Variants in ARID2 observed in about 807,000 individuals in gnomAD.
The protein encoded by ARID2 is AT-rich interactive domain-containing protein 2.
A neutral mutation model predicts 184.6 loss-of-function variants in ARID2; 32 were observed. The observed-to-expected ratio is 0.17, with a 90% confidence interval of 0.13 to 0.23. The LOEUF is 0.23. Among genes scored for constraint, ARID2 ranks in the 10% least tolerant of loss-of-function variants. The pLI is 1.00. For missense variants in ARID2, 1,696 were observed against 2,197.6 expected (o/e 0.77, Z 4.56); for synonymous variants, 836 against 772.6 (o/e 1.08, Z -1.36).
chr12:45,729,989 C>A (rs1940945578), intron 1 of ARID2, 55 bp from the exon 2 acceptor site: 1 of 1,606,892 alleles, frequency 6.2e-7, no homozygotes, highest in African/African-American at 1.3e-5. Flanking sequence ...GCTCTCCCGC[C>A]CGGGCCGGGC....
intron 6 of ARID2, among the ~76,000 whole-genome samples, chr12:45,829,491 G>C (rs1943068430): frequency 6.6e-6 from 1 of 151,416 alleles, no homozygotes; most frequent in Admixed American, 6.6e-5. Context: ...TCTCCCTTCT[G>C]AGTATGTGTT....
intron 16 of ARID2, 28 bp downstream of exon 16, chr12:45,860,977 A>G: frequency 6.8e-7 from 1 of 1,479,586 alleles, no homozygotes; most frequent in Non-Finnish European, 9.0e-7. Flanking sequence ...TTGATATATA[A>G]AAGTATTCTT....
At chr12:45,763,144 A>G (rs903156718) in intron 3 of ARID2, among the ~76,000 whole-genome samples, 3 of 152,226 alleles carry the variant, frequency 2.0e-5, no homozygotes, top group African/African-American at 7.2e-5. Flanking sequence ...ATTATGTTCA[A>G]TATAGTTTAG....
intron 16 of ARID2, among the ~76,000 whole-genome samples, chr12:45,884,440 T>C (rs1944153590): frequency 6.6e-6 from 1 of 152,178 alleles, no homozygotes; most frequent in African/African-American, 2.4e-5. Context: ...ATACCTGAAT[T>C]GTACAAATCA....
intron 3 of ARID2, among the ~76,000 whole-genome samples, chr12:45,754,035 A>G (rs1008436182): frequency 3.9e-5 from 6 of 152,250 alleles, no homozygotes; most frequent in Non-Finnish European, 7.3e-5. Context: ...ATTTTTAACT[A>G]ATAGTATCAT....
At chr12:45,785,013 T>C (rs1047391182) in intron 3 of ARID2, among the ~76,000 whole-genome samples, 4 of 152,232 alleles carry the variant, frequency 2.6e-5, no homozygotes, top group African/African-American at 9.6e-5. Flanking sequence ...TTATAATAAA[T>C]TATGAATAAA....
intron 15 of ARID2, 32 bp from the exon 16 acceptor site, chr12:45,860,769 G>A (rs1175282845): frequency 4.8e-6 from 7 of 1,451,912 alleles, no homozygotes; most frequent in East Asian, 5.1e-5. Context: ...TCAGTGTCAT[G>A]TCACAAACTC....
Position 45,804,043 on chromosome 12 carries a change from A to T in ARID2, c.285-7375A>T, listed in dbSNP as rs973299560. Among the ~76,000 whole-genome samples the T allele has an allele frequency of 1.2e-4, 19 of 152,264 alleles. 1 individual carries two copies. Among genetic ancestry groups the T allele is most frequent in the African/African-American group, 4.6e-4 (19 of 41,564 alleles). ...AGAGAGGAGACAGTGTCAATGCATA[A>T]ATTAAATGTCTTTCCCTATTGGAGT... On this transcript the variant is annotated intron_variant, in intron 3 of 20. Coordinates refer to ENST00000334344, the MANE Select transcript of ARID2 (RefSeq NM_152641.4).
chr12:45,902,471 T>TA (rs769040229), intron 20 of ARID2, among the ~76,000 whole-genome samples: 8 of 152,134 alleles, frequency 5.3e-5, no homozygotes, highest in Non-Finnish European at 1.0e-4. Context: ...CTTTCTTTGT[T>TA]AAAATATTCA....
At chr12:45,817,068 G>A (rs1008931186) in intron 4 of ARID2, among the ~76,000 whole-genome samples, 7 of 152,196 alleles carry the variant, frequency 4.6e-5, no homozygotes, top group African/African-American at 1.7e-4. Context: ...AGTAAGAAGT[G>A]TAGATTAGTC....
chr12:45,768,103 G>T (rs541893077), intron 3 of ARID2, among the ~76,000 whole-genome samples: 1 of 152,300 alleles, frequency 6.6e-6, no homozygotes, highest in East Asian at 1.9e-4. Context: ...TTCCCAGCTT[G>T]CTGAGATAGA....
At chr12:45,789,597 A>G (rs543081693) in intron 3 of ARID2, 2 of 152,122 alleles carry the variant, frequency 1.3e-5, no homozygotes, top group Admixed American at 6.5e-5. Flanking sequence ...TTATTAAGTA[A>G]TTTTTTTGGT....
In ARID2 at chr12:45,850,736, G is replaced by C. The variant is rs1337072759; in HGVS notation, c.2613G>C (p.Gln871His). ...CAGCAACTTCAGTACAGAATTTTCAGGTAGCTACAGGACAAATGGTTACTA... is the reference window on the plus strand; with the variant it reads ...CAGCAACTTCAGTACAGAATTTTCACGTAGCTACAGGACAAATGGTTACTA... Reference protein sequence around the residue: ...IVSATSVQNFQVATGQMVTIA... With the variant: ...IVSATSVQNFHVATGQMVTIA... Residue 871 changes from glutamine (Q) to histidine (H), a missense_variant, in exon 15 of 21, where the codon CAG becomes CAC. By Grantham distance (24) the Gln-to-His change is conservative. Transcript: ENST00000334344. The C allele has an allele frequency of 1.2e-6, 2 of 1,614,048 alleles. No homozygotes were observed. The highest frequency in any genetic ancestry group is 1.7e-6 in the Non-Finnish European group (2 of 1,179,978).
rs1215359953 is a variant in ARID2 at position 45,851,056 on chromosome 12, C to T, written c.2933C>T (p.Pro978Leu). 3 of 1,614,040 alleles carry T rather than the reference C, an allele frequency of 1.9e-6. No individual in the cohort carries two copies. Among genetic ancestry groups the T allele is most frequent in the Non-Finnish European group, 1.7e-6 (2 of 1,180,018 alleles). Residue 978 changes from proline to leucine, a missense_variant, in exon 15 of 21, where the codon CCA (proline) becomes CTA (leucine). By Grantham distance (98) the Pro-to-Leu change is moderately conservative. This residue lies in a region of ARID2 where 713 missense variants were observed against 824.4 expected (regional missense o/e 0.86). Coordinates refer to ENST00000334344, the MANE Select transcript of ARID2 (RefSeq NM_152641.4). Reference protein sequence around the residue: ...ITPSSSPSPVPATNNQVPTAM... With the variant: ...ITPSSSPSPVLATNNQVPTAM... Reference sequence around the variant, plus strand: ...CCATCTTCTTCACCATCACCTGTCCCAGCTACTAATAACCAAGTCCCTACT... The same window carrying T: ...CCATCTTCTTCACCATCACCTGTCCTAGCTACTAATAACCAAGTCCCTACT...
At chr12:45,899,680 G>GTT (rs1214677702) in intron 20 of ARID2, among the ~76,000 whole-genome samples, 19 of 44,660 alleles carry the variant, frequency 4.3e-4, no homozygotes, top group Admixed American at 1.2e-3. Flanking sequence ...GTTATATATG[G>GTT]TTATATATAT....
chr12:45,821,279 T>G (rs528653098), intron 5 of ARID2, 141 bp from the exon 6 acceptor site: 7 of 443,480 alleles, frequency 1.6e-5, no homozygotes, highest in African/African-American at 1.0e-4. Context: ...ATCATGACTA[T>G]CATTTACTAT....
chr12:45,799,821 T>C (rs1354107767), intron 3 of ARID2, among the ~76,000 whole-genome samples: 2 of 152,174 alleles, frequency 1.3e-5, no homozygotes, highest in Non-Finnish European at 2.9e-5. Flanking sequence ...CATCATGACT[T>C]TAGCTAAAAC....
At chr12:45,823,567 AAGAG>A (rs571791779) in intron 6 of ARID2, among the ~76,000 whole-genome samples, 323 of 152,212 alleles carry the variant, frequency 2.1e-3, no homozygotes, top group Non-Finnish European at 3.5e-3. Context: ...GCTAAGAAAA[AAGAG>A]AGAAGACTCA....
chr12:45,904,509 G>A (rs1944496089), intron 20 of ARID2: 2 of 472,174 alleles, frequency 4.2e-6, no homozygotes, highest in Admixed American at 3.8e-5. Context: ...TGGCCAACAT[G>A]GTGAAACCCC....
Sources: gnomAD v4.1 joint callset for allele counts (sites outside exome capture counted in the v4.1 genomes callset) on GRCh38, gnomAD v4.1.1 for gene constraint, gnomAD v4.1.1 regional missense constraint, MANE v1.5 for transcripts, NCBI Gene and HGNC (gene_info 2026-07-23, HGNC 2026-07-21) for gene names.